Variants in CHPT1 observed in about 807,000 individuals in gnomAD.
CHPT1 encodes the protein choline phosphotransferase 1, also known as cholinephosphotransferase 1.
CHPT1 carries 36 observed loss-of-function variants against 47.6 expected under a neutral mutation model. That is an observed-to-expected ratio of 0.76 (90% CI 0.58 to 1.00). The LOEUF (loss-of-function observed/expected upper bound fraction) is 1.00. CHPT1 is among the 50% of genes least tolerant of loss of function. The probability of loss-of-function intolerance (pLI) is 0.00; values close to 1 mark genes in which losing one functional copy is unlikely to be tolerated. For synonymous variants in CHPT1, 194 were observed against 186.3 expected, an observed-to-expected ratio of 1.04 and a Z score of -0.33; for missense variants, 458 against 498.1, an observed-to-expected ratio of 0.92 and a Z score of 0.77.
intron 1 of CHPT1, among the ~76,000 whole-genome samples, chr12:101,711,323 T>C (rs1951698925): frequency 6.7e-6 from 1 of 148,732 alleles, no homozygotes; most frequent in African/African-American, 2.4e-5. Context: ...GAAACTGTAG[T>C]ATGCACAATG....
At chr12:101,721,532 G>A (rs1292256449) in intron 5 of CHPT1, among the ~76,000 whole-genome samples, 4 of 152,074 alleles carry the variant, frequency 2.6e-5, no homozygotes, top group Non-Finnish European at 5.9e-5. Context: ...CAATATTTAT[G>A]AATACACTTT....
chr12:101,698,148 A>G lies in CHPT1; in HGVS notation c.273+14A>G. ...GCCACCGAAGAGGTAGGGCTGGCCG[A>G]TCGCCCGAGCCGGGCCCCAGATGCG... is the stretch of plus-strand genomic sequence containing the variant. On this transcript the variant is annotated intron_variant, in intron 1 of 8. Transcript: ENST00000229266. The G allele has an allele frequency of 6.9e-7, 1 of 1,459,774 alleles. No individual in the cohort carries two copies. The highest frequency in any genetic ancestry group is 9.0e-7 in the Non-Finnish European group (1 of 1,106,560). 90.4% of individuals were successfully genotyped at this position (1,459,774 alleles called of 1,614,324 possible). A position where few individuals can be genotyped will look rare whatever the true frequency, so the allele number is the denominator to read the frequency against.
chr12:101,699,900 G>T (rs1188629445), intron 1 of CHPT1, among the ~76,000 whole-genome samples: 1 of 152,078 alleles, frequency 6.6e-6, no homozygotes, highest in African/African-American at 2.4e-5. Flanking sequence ...AGACCTGCTG[G>T]GTCTGTGTTC....
At chr12:101,713,989 A>G in intron 1 of CHPT1, 101 bp from the exon 2 acceptor site, 2 of 671,298 alleles carry the variant, frequency 3.0e-6, no homozygotes, top group East Asian at 2.7e-5. Context: ...AATGTTCTTT[A>G]TAACACACGG....
At chr12:101,723,019 C>T (rs1951880356) in intron 5 of CHPT1, 149 bp from the exon 6 acceptor site, 1 of 629,084 alleles carries the variant, frequency 1.6e-6, no homozygotes, top group African/African-American at 1.9e-5. Context: ...CCTTGGAAAG[C>T]ACAACTCAGG....
chr12:101,714,693 T>A, intron 3 of CHPT1, 48 bp downstream of exon 3: 1 of 1,542,956 alleles, frequency 6.5e-7, no homozygotes, highest in Non-Finnish European at 8.7e-7. Context: ...ATTGAATTCA[T>A]TTGCACAATC....
intron 1 of CHPT1, among the ~76,000 whole-genome samples, chr12:101,700,962 C>T (rs1594120882): frequency 6.6e-6 from 1 of 152,198 alleles, no homozygotes; most frequent in African/African-American, 2.4e-5. Context: ...AGCAAAAACA[C>T]ATAAGGTTTT....
chr12:101,710,497 T>C (rs1171415976), intron 1 of CHPT1, among the ~76,000 whole-genome samples: 1 of 149,054 alleles, frequency 6.7e-6, no homozygotes, highest in Non-Finnish European at 1.5e-5. Flanking sequence ...TCAGAAACTT[T>C]GGTTTCTGCC....
At chr12:101,719,983 G>T in intron 4 of CHPT1, 140 bp from the exon 5 acceptor site, 1 of 491,234 alleles carries the variant, frequency 2.0e-6, no homozygotes. Flanking sequence ...TTATCACTTT[G>T]GATTATATTC....
rs1204780402 is a variant in CHPT1 at position 101,723,810 on chromosome 12, A to C, written c.1028A>C (p.Asn343Thr). The change falls in exon 7 of 9, where the codon AAC becomes ACC. Residue 343 changes from asparagine to threonine, a missense_variant. Coordinates refer to ENST00000229266, the MANE Select transcript of CHPT1 (RefSeq NM_020244.3). ...TTGTTTTTAGACCAGTACTTTAATAACTTTATAGACGAATATGTTGTTCTA... is the reference window on the plus strand; with the variant it reads ...TTGTTTTTAGACCAGTACTTTAATACCTTTATAGACGAATATGTTGTTCTA... Reference protein sequence around the residue: ...GLLFLDQYFNNFIDEYVVLWM... With the variant: ...GLLFLDQYFNTFIDEYVVLWM... 6.5e-7 allele frequency: 1 copy of C among 1,546,454 alleles called. No individual in the cohort carries two copies. Among genetic ancestry groups the C allele is most frequent in the Non-Finnish European group, 8.9e-7 (1 of 1,124,018 alleles).
At chr12:101,719,358 T>C in intron 4 of CHPT1, 1 of 374,998 alleles carries the variant, frequency 2.7e-6, no homozygotes, top group Non-Finnish European at 5.2e-6. Context: ...TCAGGTTTTC[T>C]AAATTTAATT....
intron 7 of CHPT1, 138 bp downstream of exon 7, chr12:101,723,985 G>A: frequency 5.0e-6 from 3 of 604,454 alleles, no homozygotes; most frequent in Non-Finnish European, 8.4e-6. Flanking sequence ...GGGAGGCCAA[G>A]GTGGACGGAT....
In CHPT1 at chr12:101,698,096, C is replaced by A; in HGVS notation, c.235C>A (p.Leu79Ile). 1 of 1,558,450 alleles carries A rather than the reference C, an allele frequency of 6.4e-7. No homozygotes were observed. Among genetic ancestry groups the A allele is most frequent in the Non-Finnish European group, 8.6e-7 (1 of 1,160,248 alleles). ...LGLAVNVVTT[L>I]VLISYCPTAT... ...GCTCGCCGTCAACGTGGTCACCACG[C>A]TCGTGCTCATCTCCTACTGTCCCAC... Residue 79 changes from leucine (L) to isoleucine (I), a missense_variant, in exon 1 of 9, where the codon CTC becomes ATC. Coordinates refer to ENST00000229266, the MANE Select transcript of CHPT1 (RefSeq NM_020244.3).
intron 7 of CHPT1, among the ~76,000 whole-genome samples, chr12:101,725,615 G>C (rs1394382876): frequency 6.9e-6 from 1 of 145,766 alleles, no homozygotes; most frequent in Non-Finnish European, 1.5e-5. Context: ...AAAACACTAT[G>C]TGGATGACAA....
chr12:101,702,367 T>A (rs932624181), intron 1 of CHPT1, among the ~76,000 whole-genome samples: 2 of 152,180 alleles, frequency 1.3e-5, no homozygotes, highest in Non-Finnish European at 1.5e-5. Context: ...TAGCTTAAGG[T>A]CAGGTCAAAG....
chr12:101,715,010 C>G (rs1214464091), intron 3 of CHPT1: 1 of 155,398 alleles, frequency 6.4e-6, no homozygotes, highest in Non-Finnish European at 1.4e-5. Flanking sequence ...AGTCTAAGGT[C>G]CTTTTTTGGT....
chr12:101,725,117 T>TATC (rs1434207073), intron 7 of CHPT1, among the ~76,000 whole-genome samples: 1 of 152,172 alleles, frequency 6.6e-6, no homozygotes, highest in African/African-American at 2.4e-5. Flanking sequence ...AAAAAATCTG[T>TATC]ATCTATTCTG....
intron 8 of CHPT1, chr12:101,727,564 A>G (rs1232019915): frequency 6.6e-6 from 1 of 152,150 alleles, no homozygotes. Context: ...ATATTGAAGA[A>G]AACAGTGAAA....
At chr12:101,706,775 C>T (rs1017401327) in intron 1 of CHPT1, among the ~76,000 whole-genome samples, 2 of 152,154 alleles carry the variant, frequency 1.3e-5, no homozygotes, top group Non-Finnish European at 2.9e-5. Context: ...CAATTAATGA[C>T]TTATGTGGAA....
Sources: allele counts gnomAD v4.1 joint callset (sites outside exome capture counted in the v4.1 genomes callset), GRCh38; gene constraint gnomAD v4.1.1; transcripts MANE v1.5; gene names NCBI Gene and HGNC (gene_info 2026-07-23, HGNC 2026-07-21).